PDS5B: variants seen among roughly 807,000 people sequenced by gnomAD.
The protein encoded by PDS5B is PDS5 cohesin associated factor B, also known as sister chromatid cohesion protein PDS5 homolog B.
In PDS5B, 51 loss-of-function variants were observed where a neutral mutation model predicts 184.1. The observed-to-expected ratio is 0.28, with a 90% CI of 0.22 to 0.35. The LOEUF is 0.35. PDS5B is among the 10% of genes least tolerant of loss of function. The pLI, the probability that PDS5B is intolerant of heterozygous loss-of-function variation, is 1.00. For synonymous variants in PDS5B, 566 were observed against 569.2 expected (o/e 0.99, Z 0.08); for missense variants, 1,180 against 1,723.3 (o/e 0.68, Z 5.58).
chr13:32,681,474 A>G lies in PDS5B; in HGVS notation c.1058-2404A>G, dbSNP rs201397204. ...CCCACCTCTACTAAAAAATACAAAAATTAGCCGGGTGTGGTGGTGCACACC... is the reference window on the plus strand; with the variant it reads ...CCCACCTCTACTAAAAAATACAAAAGTTAGCCGGGTGTGGTGGTGCACACC... On this transcript the variant is annotated intron_variant, in intron 10 of 34. Coordinates refer to ENST00000315596, the MANE Select transcript of PDS5B (RefSeq NM_015032.4). 2.8e-4 allele frequency among the ~76,000 whole-genome samples: 42 copies of G among 152,168 alleles called. No individual in the cohort carries two copies. In the East Asian group the frequency reaches 5.6e-3, roughly 20 times the overall value.
intron 1 of PDS5B, among the ~76,000 whole-genome samples, chr13:32,636,386 G>T (rs1010924397): frequency 6.6e-6 from 1 of 152,186 alleles, no homozygotes; most frequent in African/African-American, 2.4e-5. Context: ...GCACTATATT[G>T]TAGTGTTAAG....
intron 17 of PDS5B, among the ~76,000 whole-genome samples, chr13:32,704,273 A>G (rs1951943828): frequency 2.0e-5 from 3 of 152,078 alleles, no homozygotes; most frequent in Admixed American, 1.3e-4. Context: ...TGATCAAGCA[A>G]TTCTCCTGCC....
intron 3 of PDS5B, among the ~76,000 whole-genome samples, chr13:32,657,971 T>G (rs2140694709): frequency 6.6e-6 from 1 of 152,318 alleles, no homozygotes; most frequent in East Asian, 1.9e-4. Context: ...CAGGTTTATT[T>G]GTTTAACTTT....
intron 23 of PDS5B, among the ~76,000 whole-genome samples, chr13:32,745,415 G>C (rs1953706874): frequency 6.6e-6 from 1 of 152,184 alleles, no homozygotes; most frequent in African/African-American, 2.4e-5. Context: ...AGTGACACTA[G>C]CATTGACTTA....
chr13:32,597,215 T>G (rs1169645011), intron 1 of PDS5B, among the ~76,000 whole-genome samples: 1 of 150,922 alleles, frequency 6.6e-6, no homozygotes, highest in Non-Finnish European at 1.5e-5. Context: ...TTTTTTTTTT[T>G]GTATTTTTTG....
intron 6 of PDS5B, 87 bp downstream of exon 6, chr13:32,659,367 C>T (rs1040781846): frequency 3.2e-5 from 30 of 947,808 alleles, no homozygotes; most frequent in Non-Finnish European, 4.0e-5. Context: ...TATGGTTTAT[C>T]CTGCTTTAAT....
intron 1 of PDS5B, among the ~76,000 whole-genome samples, chr13:32,622,484 T>C (rs551716841): frequency 6.6e-6 from 1 of 152,166 alleles, no homozygotes; most frequent in African/African-American, 2.4e-5. Flanking sequence ...GTAAATGTTA[T>C]ATGTGTGCTT....
chr13:32,609,035 T>C (rs189434059), intron 1 of PDS5B, among the ~76,000 whole-genome samples: 1 of 152,190 alleles, frequency 6.6e-6, no homozygotes, highest in Admixed American at 6.5e-5. Context: ...CCTAGCTAGG[T>C]TGATACAATA....
intron 1 of PDS5B, among the ~76,000 whole-genome samples, chr13:32,599,655 C>T (rs1184775624): frequency 1.3e-5 from 2 of 151,696 alleles, no homozygotes; most frequent in Non-Finnish European, 2.9e-5. Context: ...TGACTCATGC[C>T]TGTAATCCCA....
chr13:32,623,801 T>C (rs1026684306), intron 1 of PDS5B, among the ~76,000 whole-genome samples: 3 of 152,012 alleles, frequency 2.0e-5, no homozygotes, highest in African/African-American at 7.2e-5. Flanking sequence ...CAGTTTATAA[T>C]CTATTCCTTT....
chr13:32,616,247 G>T (rs2058218088), intron 1 of PDS5B, among the ~76,000 whole-genome samples: 1 of 152,092 alleles, frequency 6.6e-6, no homozygotes, highest in Non-Finnish European at 1.5e-5. Flanking sequence ...TAGAGACAGG[G>T]TTTCACTATG....
intron 20 of PDS5B, 44 bp downstream of exon 20, chr13:32,732,268 TACAAA>T (rs1371442447): frequency 7.5e-7 from 1 of 1,337,644 alleles, no homozygotes; most frequent in Non-Finnish European, 1.1e-6. Flanking sequence ...ATGTCATAGT[TACAAA>T]ACAAATATTG....
At chr13:32,624,980 CT>C (rs1432367013) in intron 1 of PDS5B, among the ~76,000 whole-genome samples, 1 of 152,048 alleles carries the variant, frequency 6.6e-6, no homozygotes, top group Non-Finnish European at 1.5e-5. Context: ...ATTTTCCTTA[CT>C]TTTTTGAGCT....
Position 32,758,403 on chromosome 13 carries a change from G to A in PDS5B, c.3190-131G>A, listed in dbSNP as rs1593622498. The A allele has an allele frequency of 1.3e-5, 13 of 977,666 alleles. No individual in the cohort carries two copies. In the East Asian group the frequency reaches 3.2e-4, roughly 24 times the overall value. 60.6% of individuals were successfully genotyped at this position (977,666 alleles called of 1,614,324 possible). A position where few individuals can be genotyped will look rare whatever the true frequency, so the allele number is the denominator to read the frequency against. On this transcript the variant is annotated intron_variant, in intron 27 of 34. Coordinates refer to ENST00000315596, the MANE Select transcript of PDS5B (RefSeq NM_015032.4). ...GAGCAAAACCAGTAGTGTAAGCTAA[G>A]ATGCTTACACAGACTGTTGCTTTCA...
At chr13:32,637,360 G>A (rs956008358) in intron 1 of PDS5B, among the ~76,000 whole-genome samples, 6 of 152,124 alleles carry the variant, frequency 3.9e-5, no homozygotes, top group Non-Finnish European at 8.8e-5. Context: ...GGAAGAAATG[G>A]GTACATGAAG....
chr13:32,627,174 G>C (rs2058383262), intron 1 of PDS5B, among the ~76,000 whole-genome samples: 1 of 152,202 alleles, frequency 6.6e-6, no homozygotes, highest in African/African-American at 2.4e-5. Flanking sequence ...TATTTTCCTT[G>C]AGAACTTAAA....
In PDS5B at chr13:32,659,273, C is replaced by T; in HGVS notation, c.617C>T (p.Ala206Val). 6.3e-7 allele frequency: 1 copy of T among 1,584,000 alleles called. No homozygotes were observed. The highest frequency in any genetic ancestry group is 8.6e-7 in the Non-Finnish European group (1 of 1,160,960). ...ACGGTTTTAGTAAATCTGGTACCTG[C>T]TCATAAGGTGAGTAGCAATGTATAC... is the stretch of plus-strand genomic sequence containing the variant. ...LDTVLVNLVPAHKNLNKQAYD... is the reference protein window; with the variant it reads ...LDTVLVNLVPVHKNLNKQAYD... Residue 206 changes from alanine to valine, a missense_variant, in exon 6 of 35, where the codon GCT (alanine) becomes GTT (valine). Physicochemically the swap from Ala to Val is moderately conservative, Grantham distance 64. This residue lies in a region of PDS5B where 79 missense variants were observed against 124.6 expected (regional missense o/e 0.63). Coordinates refer to ENST00000315596, the MANE Select transcript of PDS5B (RefSeq NM_015032.4).
chr13:32,757,006 T>C (rs1387822644), intron 26 of PDS5B, among the ~76,000 whole-genome samples: 1 of 151,934 alleles, frequency 6.6e-6, no homozygotes, highest in Non-Finnish European at 1.5e-5. Context: ...GTGCTTGTAG[T>C]CCCAGCTACT....
intron 1 of PDS5B, among the ~76,000 whole-genome samples, chr13:32,589,794 C>T (rs1338749161): frequency 8.8e-6 from 1 of 114,274 alleles, no homozygotes; most frequent in East Asian, 2.0e-4. Flanking sequence ...AGTGTATTTA[C>T]TTTTTAAGAA....
Sources: allele counts gnomAD v4.1 joint callset (sites outside exome capture counted in the v4.1 genomes callset), GRCh38; gene constraint gnomAD v4.1.1; regional missense constraint gnomAD v4.1.1; transcripts MANE v1.5; gene names NCBI Gene and HGNC (gene_info 2026-07-23, HGNC 2026-07-21).